The following ZYG11A variants were observed in gnomAD, a reference collection of about 807,000 sequenced individuals.
ZYG11A encodes zyg-11 family member A, cell cycle regulator, also known as protein zyg-11 homolog A.
Under a neutral mutation model 77.2 loss-of-function variants are expected in ZYG11A, and 62 were observed. The ratio of observed to expected loss-of-function variants is 0.80; its 90% CI spans 0.65 to 0.99. The LOEUF is 0.99. Ranked by LOEUF, ZYG11A falls within the 50% of genes least tolerant of loss-of-function variation. ZYG11A has a pLI of 0.00. For synonymous variants in ZYG11A, 315 were observed against 324.6 expected (o/e 0.97, Z 0.32); for missense variants, 828 against 896.8 (o/e 0.92, Z 0.98).
chr1:52,880,146 C>T (rs186182317), intron 10 of ZYG11A, among the ~76,000 whole-genome samples: 16 of 149,012 alleles, frequency 1.1e-4, no homozygotes, highest in Non-Finnish European at 8.9e-5. Flanking sequence ...TGTGGTGCCC[C>T]TCTCAGTTGT....
intron 1 of ZYG11A, among the ~76,000 whole-genome samples, chr1:52,852,868 AT>A (rs1645740497): frequency 1.3e-5 from 2 of 152,168 alleles, no homozygotes; most frequent in Admixed American, 6.5e-5. Context: ...CACAAAGCCC[AT>A]TTCATTATAG....
At chr1:52,881,338 T>C (rs1325581882) in intron 10 of ZYG11A, 133 bp from the exon 11 acceptor site, 4 of 602,810 alleles carry the variant, frequency 6.6e-6, no homozygotes, top group Non-Finnish European at 1.1e-5. Context: ...TAGGCTAGCT[T>C]GAGGCGGAGG....
At chr1:52,866,278 T>G (rs561118372) in intron 5 of ZYG11A, among the ~76,000 whole-genome samples, 1 of 152,244 alleles carries the variant, frequency 6.6e-6, no homozygotes, top group South Asian at 2.1e-4. Flanking sequence ...GAAGGTGGTT[T>G]TCCTCATTTA....
intron 8 of ZYG11A, among the ~76,000 whole-genome samples, chr1:52,869,932 C>T: frequency 6.8e-6 from 1 of 147,410 alleles, no homozygotes; most frequent in African/African-American, 2.5e-5. Context: ...CACCTCCCTC[C>T]CAGACAGGGT....
At chr1:52,872,319 G>A (rs1321806514) in intron 8 of ZYG11A, among the ~76,000 whole-genome samples, 1 of 151,974 alleles carries the variant, frequency 6.6e-6, no homozygotes, top group Non-Finnish European at 1.5e-5. Context: ...GGCCAGTCTG[G>A]TCTCGAACTC....
At chr1:52,847,509 AT>A (rs34348785) in intron 1 of ZYG11A, among the ~76,000 whole-genome samples, 71,454 of 145,080 alleles carry the variant, frequency 0.49, 18,091 homozygotes, top group Non-Finnish European at 0.59. Flanking sequence ...CCAGCCTGTC[AT>A]TTTTTTTTTT....
intron 12 of ZYG11A, among the ~76,000 whole-genome samples, chr1:52,886,405 G>A (rs558653837): frequency 6.6e-6 from 1 of 152,314 alleles, no homozygotes; most frequent in South Asian, 2.1e-4. Flanking sequence ...AGGATGCAAT[G>A]AGATACTGAT....
intron 1 of ZYG11A, among the ~76,000 whole-genome samples, chr1:52,852,545 T>A: frequency 6.7e-6 from 1 of 149,796 alleles, no homozygotes; most frequent in Non-Finnish European, 1.5e-5. Context: ...ATTTTTTATT[T>A]TTAGAACAGG....
chr1:52,843,050 G>C, intron 1 of ZYG11A, 77 bp downstream of exon 1: 1 of 1,308,444 alleles, frequency 7.6e-7, no homozygotes, highest in Non-Finnish European at 1.0e-6. Context: ...AGTCTCCTGG[G>C]ACGCTGCCGA....
intron 8 of ZYG11A, among the ~76,000 whole-genome samples, chr1:52,870,710 A>ACG (rs1207116907): frequency 1.3e-5 from 2 of 152,144 alleles, no homozygotes; most frequent in African/African-American, 4.8e-5. Context: ...AAAATACGAA[A>ACG]AACAGTCAGG....
At chr1:52,867,966 T>C (rs1309828802) in intron 8 of ZYG11A, among the ~76,000 whole-genome samples, 189 bp downstream of exon 8, 5 of 137,606 alleles carry the variant, frequency 3.6e-5, no homozygotes, top group South Asian at 2.5e-4. Context: ...TTCTTTTTTT[T>C]TTTTTTTTTT....
At position 52,877,911 on chromosome 1, in the gene ZYG11A, T is replaced by C; in HGVS notation, c.1705-14T>C. 1 of 1,551,678 alleles carries C rather than the reference T, an allele frequency of 6.4e-7. No individual in the cohort carries two copies. The highest frequency in any genetic ancestry group is 8.7e-7 in the Non-Finnish European group (1 of 1,146,960). Reference sequence around the variant, plus strand: ...CATGATAAAGTAACCTGTATGTATATATTTTTTTGACAGACCTTTTCAGAG... The same window carrying C: ...CATGATAAAGTAACCTGTATGTATACATTTTTTTGACAGACCTTTTCAGAG... On this transcript the variant is annotated splice_polypyrimidine_tract_variant and intron_variant, in intron 9 of 13. Transcript: ENST00000371528.
rs750199432 is a variant in ZYG11A, at chr1:52,842,869, G to A, written c.-15G>A. The A allele has an allele frequency of 6.5e-7, 1 of 1,527,770 alleles. No homozygotes were observed. The highest frequency in any genetic ancestry group is 2.6e-5 in the East Asian group (1 of 37,744). The allele number at this position is 1,527,770 out of a possible 1,614,324, so 94.6% of individuals were successfully genotyped here. ...ACGCCGGCTCTCTTTTTGACGCCCC[G>A]CCGCCGGGGTTGCCATGGTTCATTT... On this transcript the variant is annotated 5_prime_UTR_variant, in exon 1 of 14. Coordinates refer to ENST00000371528, the MANE Select transcript of ZYG11A (RefSeq NM_001004339.3).
At chr1:52,860,123 C>G (rs550065454) in intron 3 of ZYG11A, among the ~76,000 whole-genome samples, 5 of 152,180 alleles carry the variant, frequency 3.3e-5, no homozygotes, top group Admixed American at 2.0e-4. Context: ...TTGTCAATAT[C>G]TACAAAAAGG....
chr1:52,857,750 G>A lies in ZYG11A; in HGVS notation c.1008+1G>A. ...CTTTACTACAAAGCAAGGCTTGAGG[G>A]TTTGTTCTTATCTGAATAAGTTTTG... On this transcript the variant is annotated splice_donor_variant, in intron 3 of 13. Coordinates refer to ENST00000371528, the MANE Select transcript of ZYG11A (RefSeq NM_001004339.3). LOFTEE classifies it high-confidence loss of function. 6.5e-7 allele frequency: 1 copy of A among 1,538,746 alleles called. No individual in the cohort carries two copies. The highest frequency in any genetic ancestry group is 8.8e-7 in the Non-Finnish European group (1 of 1,141,672).
chr1:52,881,256 G>A (rs1646357126), intron 10 of ZYG11A: 2 of 424,600 alleles, frequency 4.7e-6, no homozygotes, highest in East Asian at 7.3e-5. Context: ...ACTGTGCCTG[G>A]CACTTAGTAA....
chr1:52,880,600 G>C (rs1646347047), intron 10 of ZYG11A, among the ~76,000 whole-genome samples: 1 of 152,120 alleles, frequency 6.6e-6, no homozygotes, highest in Admixed American at 6.6e-5. Flanking sequence ...CTTGCTAGCA[G>C]GCCCACTGTA....
intron 10 of ZYG11A, among the ~76,000 whole-genome samples, chr1:52,880,087 T>TTTTTTTTTTA (rs1646338249): frequency 6.7e-6 from 1 of 149,342 alleles, no homozygotes; most frequent in Non-Finnish European, 1.5e-5. Context: ...TTTTTTTTTT[T>TTTTTTTTTTA]GAGAGATCCA....
In ZYG11A at chr1:52,881,241, C is replaced by G. The variant is rs1047615465; in HGVS notation, c.1750-230C>G. On this transcript the variant is annotated intron_variant, in intron 10 of 13. Transcript: ENST00000371528. Reference sequence around the variant, plus strand: ...TAGATAAAAAGACAATTTTATTTATCTAGTACTGTGCCTGGCACTTAGTAA... The same window carrying G: ...TAGATAAAAAGACAATTTTATTTATGTAGTACTGTGCCTGGCACTTAGTAA... 3.0e-4 allele frequency: 111 copies of G among 375,762 alleles called. 2 individuals carry two copies. The highest frequency in any genetic ancestry group is 4.8e-5 in the Non-Finnish European group (10 of 209,280). The allele number at this position is 375,762 out of a possible 1,614,324, so 23.3% of individuals were successfully genotyped here.
Sources: gnomAD v4.1 joint callset for allele counts (sites outside exome capture counted in the v4.1 genomes callset) on GRCh38, gnomAD v4.1.1 for gene constraint, MANE v1.5 for transcripts, NCBI Gene and HGNC (gene_info 2026-07-23, HGNC 2026-07-21) for gene names.